Variants in SMYD1 observed in about 807,000 individuals in gnomAD.
SMYD1 encodes histone-lysine N-methyltransferase SMYD1.
SMYD1 carries 49 observed loss-of-function variants against 54.0 expected under a neutral mutation model. The observed-to-expected ratio is 0.91, with a 90% CI of 0.72 to 1.15. The LOEUF (loss-of-function observed/expected upper bound fraction) is 1.15, where lower values mean the gene tolerates loss of function less well. Among genes scored for constraint, SMYD1 ranks in the 50% most tolerant of loss-of-function variants. The probability of loss-of-function intolerance (pLI) is 0.00; values close to 1 mark genes in which losing one functional copy is unlikely to be tolerated. For synonymous variants in SMYD1, 269 were observed against 234.2 expected (o/e 1.15, Z -1.36); for missense variants, 653 against 639.6 (o/e 1.02, Z -0.23).
intron 4 of SMYD1, among the ~76,000 whole-genome samples, chr2:88,092,047 A>C (rs1233228736): frequency 6.6e-6 from 1 of 152,196 alleles, no homozygotes; most frequent in Non-Finnish European, 1.5e-5. Flanking sequence ...GAGGGCCCCC[A>C]ACAGCTCAGC....
chr2:88,087,848 T>C lies in SMYD1; in HGVS notation c.315-14T>C. The C allele has an allele frequency of 6.4e-7, 1 of 1,554,010 alleles. No individual in the cohort carries two copies. The highest frequency in any genetic ancestry group is 1.9e-5 in the Admixed American group (1 of 52,272). On this transcript the variant is annotated splice_polypyrimidine_tract_variant and intron_variant, in intron 2 of 9. Transcript: ENST00000419482. Reference sequence around the variant, plus strand: ...TGCAGCTGTAGTGGCCTCCTGACGCTGCCCTTCCCACAGGCTGGCGGCGCG... The same window carrying C: ...TGCAGCTGTAGTGGCCTCCTGACGCCGCCCTTCCCACAGGCTGGCGGCGCG...
intron 5 of SMYD1, among the ~76,000 whole-genome samples, chr2:88,094,612 G>A (rs1450055137): frequency 2.0e-5 from 3 of 152,112 alleles, no homozygotes; most frequent in East Asian, 3.8e-4. Flanking sequence ...ATACATATAT[G>A]CATCTTTTCA....
At chr2:88,073,061 C>T (rs1264877387) in intron 1 of SMYD1, among the ~76,000 whole-genome samples, 2 of 152,152 alleles carry the variant, frequency 1.3e-5, no homozygotes, top group African/African-American at 4.8e-5. Flanking sequence ...CACCCTCTCC[C>T]TCCCTCTCCC....
At chr2:88,087,365 C>A (rs964068103) in intron 2 of SMYD1, among the ~76,000 whole-genome samples, 1 of 152,140 alleles carries the variant, frequency 6.6e-6, no homozygotes, top group African/African-American at 2.4e-5. Context: ...CCCCACGGAA[C>A]CTGGCTCCTG....
chr2:88,078,514 G>C (rs916082668), intron 1 of SMYD1, among the ~76,000 whole-genome samples: 1 of 152,106 alleles, frequency 6.6e-6, no homozygotes, highest in Non-Finnish European at 1.5e-5. Flanking sequence ...ACCCAGCTCT[G>C]ACCAACTCTA....
Position 88,112,375 on chromosome 2 carries a change from T to C in SMYD1, c.*1863T>C, listed in dbSNP as rs569272713. 2.8e-4 allele frequency: 154 copies of C among 550,508 alleles called. 4 individuals are homozygous for C. The South Asian group carries it at 3.4e-3, about 12-fold the overall frequency. 34.1% of individuals were successfully genotyped at this position (550,508 alleles called of 1,614,324 possible). A position where few individuals can be genotyped will look rare whatever the true frequency, so the allele number is the denominator to read the frequency against. ...TTCTGTGTCTGTGCTCCTCCTTCCC[T>C]CTCAGACCACTGGAATGCAAGTCCT... On this transcript the variant is annotated 3_prime_UTR_variant, in exon 10 of 10. Coordinates refer to ENST00000419482, the MANE Select transcript of SMYD1 (RefSeq NM_198274.4).
Position 88,110,540 on chromosome 2 carries a change from T to C in SMYD1, c.*28T>C. Reference sequence around the variant, plus strand: ...ACTGCCCAGTGGAGGAGGGGCGATGTGGCTGGGGAGCTAGGGAGAGACTCT... The same window carrying C: ...ACTGCCCAGTGGAGGAGGGGCGATGCGGCTGGGGAGCTAGGGAGAGACTCT... On this transcript the variant is annotated 3_prime_UTR_variant, in exon 10 of 10. Coordinates refer to ENST00000419482, the MANE Select transcript of SMYD1 (RefSeq NM_198274.4). 3 of 1,531,968 alleles carry C rather than the reference T, an allele frequency of 2.0e-6. No individual in the cohort carries two copies. The allele number at this position is 1,531,968 out of a possible 1,614,324, so 94.9% of individuals were successfully genotyped here. A position where few individuals can be genotyped will look rare whatever the true frequency, so the allele number is the denominator to read the frequency against.
At chr2:88,101,896 G>C (rs866727722) in intron 6 of SMYD1, among the ~76,000 whole-genome samples, 2 of 152,196 alleles carry the variant, frequency 1.3e-5, no homozygotes, top group African/African-American at 4.8e-5. Context: ...GTGAGCCATC[G>C]TGCTGGGCTG....
rs140063305 is a variant in SMYD1 at position 88,103,568 on chromosome 2, T to G, written c.981+418T>G. 5.5e-3 allele frequency among the ~76,000 whole-genome samples: 842 copies of G among 152,266 alleles called. 5 individuals are homozygous for G. Among genetic ancestry groups the G allele is most frequent in the Non-Finnish European group, 8.9e-3 (602 of 68,018 alleles). ...CAAATGAGCATTCAACCTTGGCTCT[T>G]GAAGCACCAGGGATTCTCAGCTGGC... On this transcript the variant is annotated intron_variant, in intron 7 of 9. Transcript: ENST00000419482.
At position 88,081,092 on chromosome 2, in the gene SMYD1, G is replaced by A. The variant is rs148034619; in HGVS notation, c.138-3224G>A. 1.0e-3 allele frequency among the ~76,000 whole-genome samples: 158 copies of A among 152,058 alleles called. 3 individuals carry two copies. In the East Asian group the frequency reaches 0.026, roughly 25 times the overall value. On this transcript the variant is annotated intron_variant, in intron 1 of 9. Coordinates refer to ENST00000419482, the MANE Select transcript of SMYD1 (RefSeq NM_198274.4). ...TAATTTTTGTATTTTTAGTAGGGAC[G>A]GGGTTTTGCCATGTTGGCCAGGCTA...
At chr2:88,090,553 A>G (rs1674438442) in intron 3 of SMYD1, among the ~76,000 whole-genome samples, 2 of 152,194 alleles carry the variant, frequency 1.3e-5, no homozygotes, top group South Asian at 2.1e-4. Context: ...CAAAATAATC[A>G]AAAGAGATGT....
intron 6 of SMYD1, among the ~76,000 whole-genome samples, chr2:88,099,873 C>G (rs1433283475): frequency 6.0e-5 from 9 of 151,036 alleles, no homozygotes; most frequent in Non-Finnish European, 1.2e-4. Flanking sequence ...CTCCCGCGTT[C>G]ATCTGGCCCT....
intron 1 of SMYD1, among the ~76,000 whole-genome samples, chr2:88,078,820 T>A (rs373492672): frequency 3.3e-5 from 5 of 152,354 alleles, no homozygotes; most frequent in African/African-American, 1.2e-4. Flanking sequence ...GCCTTGCAGC[T>A]AAGCCCTACC....
chr2:88,091,598 T>A (rs1674463398), intron 4 of SMYD1, among the ~76,000 whole-genome samples: 1 of 152,102 alleles, frequency 6.6e-6, no homozygotes, highest in Non-Finnish European at 1.5e-5. Flanking sequence ...TAATCCCAGC[T>A]CTTTGGGAGC....
intron 6 of SMYD1, among the ~76,000 whole-genome samples, chr2:88,099,958 G>T (rs572991598): frequency 6.8e-6 from 1 of 146,338 alleles, no homozygotes; most frequent in South Asian, 2.2e-4. Flanking sequence ...TTATCCTCTG[G>T]CTCCTCCCCC....
At chr2:88,087,639 C>T (rs1674362686) in intron 2 of SMYD1, among the ~76,000 whole-genome samples, 1 of 152,162 alleles carries the variant, frequency 6.6e-6, no homozygotes, top group South Asian at 2.1e-4. Context: ...ATCATGCCAC[C>T]CTGTATTATT....
At chr2:88,088,139 C>T in intron 3 of SMYD1, 64 bp downstream of exon 3, 1 of 1,480,044 alleles carries the variant, frequency 6.8e-7, no homozygotes, top group Non-Finnish European at 9.1e-7. Context: ...CCTCCTCCCA[C>T]TTGGGGAGGG....
intron 9 of SMYD1, 77 bp downstream of exon 9, chr2:88,108,616 T>C: frequency 7.0e-7 from 1 of 1,418,510 alleles, no homozygotes; most frequent in Non-Finnish European, 9.3e-7. Context: ...TCAGGTGGAC[T>C]CTGCTTTAGA....
chr2:88,089,583 C>CTCTTTTTTTTTTTTTTTT lies in SMYD1; in HGVS notation c.529-1428_529-1427insCTTTTTTTTTTTTTTTTT, dbSNP rs1481581789. 2.6e-5 allele frequency among the ~76,000 whole-genome samples: 3 copies of CTCTTTTTTTTTTTTTTTT among 114,992 alleles called. 1 individual carries two copies. The highest frequency in any genetic ancestry group is 1.8e-5 in the Non-Finnish European group (1 of 56,654). 75.4% of individuals were successfully genotyped at this position (114,992 alleles called of 152,430 possible). A position where few individuals can be genotyped will look rare whatever the true frequency, so the allele number is the denominator to read the frequency against. Reference sequence around the variant, plus strand: ...TATTTTCAGGAGCCAGAGCTTCTACCTGTTTTTTTTTTTTTTTTTTTTTTT... The same window carrying CTCTTTTTTTTTTTTTTTT: ...TATTTTCAGGAGCCAGAGCTTCTACCTCTTTTTTTTTTTTTTTTTGTTTTTTTTTTTTTTTTTTTTTTT... On this transcript the variant is annotated intron_variant, in intron 3 of 9. Coordinates refer to ENST00000419482, the MANE Select transcript of SMYD1 (RefSeq NM_198274.4).
Sources: gnomAD v4.1 joint callset for allele counts (sites outside exome capture counted in the v4.1 genomes callset) on GRCh38, gnomAD v4.1.1 for gene constraint, MANE v1.5 for transcripts, NCBI Gene and HGNC (gene_info 2026-07-23, HGNC 2026-07-21) for gene names.